AGER: variants seen among roughly 807,000 people sequenced by gnomAD.
AGER encodes the protein advanced glycosylation end-product specific receptor, also known as advanced glycation end product-specific receptor.
In AGER, 46 loss-of-function variants were observed where a neutral mutation model predicts 48.8. The observed-to-expected ratio is 0.94, with a 90% confidence interval of 0.74 to 1.20. The LOEUF is 1.20. Among genes scored for constraint, AGER ranks in the 50% most tolerant of loss-of-function variants. The probability of loss-of-function intolerance (pLI) is 0.00; values close to 1 mark genes in which losing one functional copy is unlikely to be tolerated. For synonymous variants in AGER, 170 were observed against 199.9 expected, an observed-to-expected ratio of 0.85 and a Z score of 1.26; for missense variants, 489 against 515.0, an observed-to-expected ratio of 0.95 and a Z score of 0.49.
Position 32,182,221 on chromosome 6 carries a change from C to A in AGER, c.964+26G>T, listed in dbSNP as rs775056834. 1 of 1,612,650 alleles carries A rather than the reference C, an allele frequency of 6.2e-7. No homozygotes were observed. Among genetic ancestry groups the A allele is most frequent in the South Asian group, 1.1e-5 (1 of 91,078 alleles). ...CTGTCCTGCACCCTAGTCCCAGGGT[C>A]TGTAGGGCTTGGGGAGAGGTCTCAC... On this transcript the variant is annotated intron_variant, in intron 8 of 10. Coordinates refer to ENST00000375076, the MANE Select transcript of AGER (RefSeq NM_001136.5). The surrounding 1 kb of genome is among the most constrained non-coding windows in gnomAD (Gnocchi z 5.1).
At position 32,181,073 on chromosome 6, in the gene AGER, G is replaced by T; in HGVS notation, c.*70C>A. 1 of 1,491,442 alleles carries T rather than the reference G, an allele frequency of 6.7e-7. No homozygotes were observed. The highest frequency in any genetic ancestry group is 9.3e-7 in the Non-Finnish European group (1 of 1,070,946). 92.4% of individuals were successfully genotyped at this position (1,491,442 alleles called of 1,614,324 possible). A position where few individuals can be genotyped will look rare whatever the true frequency, so the allele number is the denominator to read the frequency against. ...GAGAGAGATTATACAGGAGAGAGTT[G>T]GTCTGAGGCCAGAACAGTTCAAGGG... On this transcript the variant is annotated 3_prime_UTR_variant, in exon 11 of 11. Transcript: ENST00000375076. The surrounding 1 kb of genome is among the most constrained non-coding windows in gnomAD (Gnocchi z 4.1).
rs766692052 is a variant in AGER, at chr6:32,182,636, C to T, written c.754G>A (p.Gly252Ser). 21 of 1,612,892 alleles carry T rather than the reference C, an allele frequency of 1.3e-5. No individual in the cohort carries two copies. The highest frequency in any genetic ancestry group is 4.5e-5 in the East Asian group (2 of 44,880). Residue 252 changes from glycine to serine, a missense_variant, in exon 7 of 11, where the codon GGT becomes AGT. Coordinates refer to ENST00000375076, the MANE Select transcript of AGER (RefSeq NM_001136.5). This position sits in a 1 kb window ranked among gnomAD's most constrained non-coding sequence, Gnocchi z 5.1. Reference protein sequence around the residue: ...VEPEGGAVAPGGTVTLTCEVP... With the variant: ...VEPEGGAVAPSGTVTLTCEVP... ...TCACAGGTCAGGGTTACGGTTCCAC[C>T]AGGAGCTACTGCTCCACCTTCTGGC...
chr6:32,184,055 G>A, intron 1 of AGER, 68 bp from the exon 2 acceptor site: 1 of 1,609,934 alleles, frequency 6.2e-7, no homozygotes. Context: ...GACAGGGTGG[G>A]TGAGGGACCT....
rs775738042 is a variant in AGER at position 32,184,156 on chromosome 6, G to C, written c.52+15C>G. 3.7e-6 allele frequency: 6 copies of C among 1,610,508 alleles called. No individual in the cohort carries two copies. Among genetic ancestry groups the C allele is most frequent in the Non-Finnish European group, 5.1e-6 (6 of 1,178,556 alleles). ...TTCTGCAGGGAGGGTCAGTGGGGTTGAGGGAGTGGCTCACCCCACAGACTG... is the reference window on the plus strand; with the variant it reads ...TTCTGCAGGGAGGGTCAGTGGGGTTCAGGGAGTGGCTCACCCCACAGACTG... On this transcript the variant is annotated intron_variant, in intron 1 of 10. Transcript: ENST00000375076.
chr6:32,184,034 A>C (rs945957326), intron 1 of AGER, 47 bp from the exon 2 acceptor site: 1 of 1,612,232 alleles, frequency 6.2e-7, no homozygotes, highest in Non-Finnish European at 8.5e-7. Flanking sequence ...AATGAGGGCT[A>C]ACAAAATTTG....
Position 32,183,988 on chromosome 6 carries a change from C to T in AGER, c.53-1G>A. The T allele has an allele frequency of 6.2e-7, 1 of 1,613,004 alleles. No homozygotes were observed. Among genetic ancestry groups the T allele is most frequent in the Non-Finnish European group, 8.5e-7 (1 of 1,180,008 alleles). ...ATGTTTTGAGCACCTACTACTGCCCCTGGGAGATAGCACCATGGTAGAGGG... is the reference window on the plus strand; with the variant it reads ...ATGTTTTGAGCACCTACTACTGCCCTTGGGAGATAGCACCATGGTAGAGGG... On this transcript the variant is annotated splice_acceptor_variant, in intron 1 of 10. Coordinates refer to ENST00000375076, the MANE Select transcript of AGER (RefSeq NM_001136.5). LOFTEE classifies it high-confidence loss of function.
In AGER at chr6:32,183,709, C is replaced by G; in HGVS notation, c.201G>C (p.Gln67His). ...CCACACTGTCCCAGGGGCCTCCTCC[C>G]TGGGGAGACAGGACCTTCCAAGCTT... ...RTEAWKVLSP[Q>H]GGGPWDSVAR... is the part of the protein sequence containing the mutation. The change falls in exon 3 of 11, where the codon CAG becomes CAC. Residue 67 changes from glutamine to histidine, a missense_variant. Coordinates refer to ENST00000375076, the MANE Select transcript of AGER (RefSeq NM_001136.5). 1.9e-6 allele frequency: 3 copies of G among 1,613,100 alleles called. No homozygotes were observed. The highest frequency in any genetic ancestry group is 1.7e-6 in the Non-Finnish European group (2 of 1,180,032).
rs1786690074 is a variant in AGER at position 32,183,696 on chromosome 6, A to C, written c.214T>G (p.Trp72Gly). 6.2e-7 allele frequency: 1 copy of C among 1,612,988 alleles called. No individual in the cohort carries two copies. Among genetic ancestry groups the C allele is most frequent in the Admixed American group, 1.7e-5 (1 of 60,014 alleles). The change falls in exon 3 of 11, where the codon TGG becomes GGG. Residue 72 changes from tryptophan to glycine, a missense_variant. Coordinates refer to ENST00000375076, the MANE Select transcript of AGER (RefSeq NM_001136.5). ...GGAAGGACACGAGCCACACTGTCCC[A>C]GGGGCCTCCTCCCTGGGGAGACAGG... ...KVLSPQGGGP[W>G]DSVARVLPNG...
rs936884506 is a variant in AGER at position 32,182,443 on chromosome 6, A to G, written c.823-55T>C. 115 of 1,589,142 alleles carry G rather than the reference A, an allele frequency of 7.2e-5. No homozygotes were observed. Among genetic ancestry groups the G allele is most frequent in the Admixed American group, 8.6e-5 (5 of 58,072 alleles). On this transcript the variant is annotated intron_variant, in intron 7 of 10. Transcript: ENST00000375076. This position sits in a 1 kb window ranked among gnomAD's most constrained non-coding sequence, Gnocchi z 5.1. ...TCAAAACCCTTGTCTTTTTGTCTCC[A>G]TATCTTCAGATACCCTCTCTTCCTC...
At position 32,181,944 on chromosome 6, in the gene AGER, G is replaced by A. The variant is rs1310399905; in HGVS notation, c.964+303C>T. 3.3e-6 allele frequency: 2 copies of A among 605,606 alleles called. No individual in the cohort carries two copies. The highest frequency in any genetic ancestry group is 5.9e-6 in the Non-Finnish European group (2 of 341,334). The allele number at this position is 605,606 out of a possible 1,614,324, so 37.5% of individuals were successfully genotyped here. The stretch of plus-strand genomic sequence containing the variant: ...AATGGGGTTTCTCCATGTTGGTCAG[G>A]CTGGTCTCGAACTCCCTACCTCAGG... On this transcript the variant is annotated intron_variant, in intron 8 of 10. Coordinates refer to ENST00000375076, the MANE Select transcript of AGER (RefSeq NM_001136.5). This position sits in a 1 kb window ranked among gnomAD's most constrained non-coding sequence, Gnocchi z 4.1.
Position 32,183,195 on chromosome 6 carries a change from T to G in AGER, c.427A>C (p.Thr143Pro). 1 of 1,612,986 alleles carries G rather than the reference T, an allele frequency of 6.2e-7. No homozygotes were observed. Residue 143 changes from threonine to proline, a missense_variant, in exon 5 of 11, where the codon ACA becomes CCA. Physicochemically the swap from Thr to Pro is conservative, Grantham distance 38. Coordinates refer to ENST00000375076, the MANE Select transcript of AGER (RefSeq NM_001136.5). ...GGGTAGCTTCCCTCTGACACACATG[T>G]CCCCACCTGGGGAAAGAGTGGTGAC... ...LTAGVPNKVG[T>P]CVSEGSYPAG...
chr6:32,182,758 T>C lies in AGER; in HGVS notation c.692-60A>G. 6.2e-7 allele frequency: 1 copy of C among 1,612,904 alleles called. No individual in the cohort carries two copies. The highest frequency in any genetic ancestry group is 8.5e-7 in the Non-Finnish European group (1 of 1,179,964). ...CACTTGTGAGTGATCCCAGTGGCCA[T>C]GGGCTTGACTCCCTCTTTCCCTAAG... is the stretch of plus-strand genomic sequence containing the variant. On this transcript the variant is annotated intron_variant, in intron 6 of 10. Transcript: ENST00000375076. This position sits in a 1 kb window ranked among gnomAD's most constrained non-coding sequence, Gnocchi z 5.1.
Position 32,181,084 on chromosome 6 carries a change from A to G in AGER, c.*59T>C. Reference sequence around the variant, plus strand: ...TACAGGAGAGAGTTGGTCTGAGGCCAGAACAGTTCAAGGGAAAAAGAAAAG... The same window carrying G: ...TACAGGAGAGAGTTGGTCTGAGGCCGGAACAGTTCAAGGGAAAAAGAAAAG... On this transcript the variant is annotated 3_prime_UTR_variant, in exon 11 of 11. Transcript: ENST00000375076. The surrounding 1 kb of genome is among the most constrained non-coding windows in gnomAD (Gnocchi z 4.1). 1.9e-6 allele frequency: 3 copies of G among 1,549,362 alleles called. No homozygotes were observed. Among genetic ancestry groups the G allele is most frequent in the East Asian group, 2.2e-5 (1 of 44,552 alleles).
chr6:32,184,113 G>A (rs1283529310), intron 1 of AGER, 58 bp downstream of exon 1: 3 of 1,604,936 alleles, frequency 1.9e-6, no homozygotes, highest in Admixed American at 1.7e-5. Flanking sequence ...GACGACTGGG[G>A]TGTGGGGTTA....
chr6:32,182,057 G>C lies in AGER; in HGVS notation c.964+190C>G. 1 of 855,048 alleles carries C rather than the reference G, an allele frequency of 1.2e-6. No homozygotes were observed. The highest frequency in any genetic ancestry group is 1.9e-6 in the Non-Finnish European group (1 of 523,864). 53.0% of individuals were successfully genotyped at this position (855,048 alleles called of 1,614,324 possible). A position where few individuals can be genotyped will look rare whatever the true frequency, so the allele number is the denominator to read the frequency against. On this transcript the variant is annotated intron_variant, in intron 8 of 10. Transcript: ENST00000375076. This position sits in a 1 kb window ranked among gnomAD's most constrained non-coding sequence, Gnocchi z 5.1. ...CGTCTGTTCCTTTTTTTAGCTCAGA[G>C]GGAAGAAGGGAGAGGCTTGGCTGCT...
Position 32,181,030 on chromosome 6 carries a change from C to T in AGER, c.*113G>A. ...GCTCTGGTTGTAGAAGAAAGCTTGG[C>T]AAGGTGGGGTTATACAGGAGAGAGA... On this transcript the variant is annotated 3_prime_UTR_variant, in exon 11 of 11. Coordinates refer to ENST00000375076, the MANE Select transcript of AGER (RefSeq NM_001136.5). The surrounding 1 kb of genome is among the most constrained non-coding windows in gnomAD (Gnocchi z 4.1). 1 of 1,092,208 alleles carries T rather than the reference C, an allele frequency of 9.2e-7. No homozygotes were observed. 67.7% of individuals were successfully genotyped at this position (1,092,208 alleles called of 1,614,324 possible).
At position 32,183,211 on chromosome 6, in the gene AGER, G is replaced by A; in HGVS notation, c.421-10C>T. Reference sequence around the variant, plus strand: ...ACACACATGTCCCCACCTGGGGAAAGAGTGGTGACCTCAGAATCCTTTGAA... The same window carrying A: ...ACACACATGTCCCCACCTGGGGAAAAAGTGGTGACCTCAGAATCCTTTGAA... On this transcript the variant is annotated splice_polypyrimidine_tract_variant and intron_variant, in intron 4 of 10. Coordinates refer to ENST00000375076, the MANE Select transcript of AGER (RefSeq NM_001136.5). 3.1e-6 allele frequency: 5 copies of A among 1,612,838 alleles called. No homozygotes were observed. The highest frequency in any genetic ancestry group is 1.1e-5 in the South Asian group (1 of 91,082).
chr6:32,182,893 G>T lies in AGER; in HGVS notation c.639C>A (p.Gly213=), dbSNP rs758319145. 4.3e-6 allele frequency: 7 copies of T among 1,611,806 alleles called. No homozygotes were observed. Among genetic ancestry groups the T allele is most frequent in the Non-Finnish European group, 5.9e-6 (7 of 1,179,470 alleles). ...TGCGCAAGGCCCGGTGTCGGGGAAG[G>T]CCTGGGCTGAAGCTACAGGAGAAGG... ...RPTFSCSFSP[G]LPRHRALRTA... Residue 213 remains glycine (G), a synonymous_variant, in exon 6 of 11, where the codon GGC becomes GGA. Transcript: ENST00000375076. The surrounding 1 kb of genome is among the most constrained non-coding windows in gnomAD (Gnocchi z 5.1).
Position 32,183,545 on chromosome 6 carries a change from G to C in AGER, c.355+10C>G, listed in dbSNP as rs1582718777. On this transcript the variant is annotated intron_variant, in intron 3 of 10. Coordinates refer to ENST00000375076, the MANE Select transcript of AGER (RefSeq NM_001136.5). The stretch of plus-strand genomic sequence containing the variant: ...GAGGGAGGCCTTGGAGAAGACCCTG[G>C]AATTCTTACGGTAGACACGGACTCG... 1.2e-6 allele frequency: 2 copies of C among 1,613,076 alleles called. No homozygotes were observed.
Sources: gnomAD v4.1 joint callset for allele counts on GRCh38, gnomAD v4.1.1 for gene constraint, Gnocchi (gnomAD v3.1) non-coding constraint, MANE v1.5 for transcripts, NCBI Gene and HGNC (gene_info 2026-07-23, HGNC 2026-07-21) for gene names.